The following NTRK3 variants were observed in gnomAD, a reference collection of about 807,000 sequenced individuals.
NTRK3 encodes the protein neurotrophic receptor tyrosine kinase 3.
Under a neutral mutation model 91.7 loss-of-function variants are expected in NTRK3, and 24 were observed. That is an observed-to-expected ratio of 0.26 (90% CI 0.19 to 0.37). NTRK3 has a LOEUF of 0.37. NTRK3 is among the 10% of genes least tolerant of loss of function. NTRK3 has a pLI of 1.00. For synonymous variants in NTRK3, 483 were observed against 404.0 expected, an observed-to-expected ratio of 1.20 and a Z score of -2.34; for missense variants, 880 against 1,068.9, an observed-to-expected ratio of 0.82 and a Z score of 2.46.
exon 19 of NTRK3, chr15:87,862,123 C>A (rs751371925): frequency 7.3e-5 from 16 of 218,092 alleles, no homozygotes; most frequent in Non-Finnish European, 1.4e-4. Flanking sequence ...TGCTGCTCAC[C>A]TCCAGTCTTC....
chr15:87,981,346 T>G, intron 14 of NTRK3: 1 of 1,613,144 alleles, frequency 6.2e-7, no homozygotes, highest in East Asian at 2.2e-5. Flanking sequence ...TGATTGTCTA[T>G]GTTTGAAAAG....
At chr15:87,902,908 C>A (rs1362507024) in intron 17 of NTRK3, among the ~76,000 whole-genome samples, 1 of 152,178 alleles carries the variant, frequency 6.6e-6, no homozygotes, top group Non-Finnish European at 1.5e-5. Context: ...CCCGACTCCC[C>A]CTTGCTCCTT....
chr15:88,163,988 A>T lies in NTRK3; in HGVS notation c.396-16585T>A, dbSNP rs181609604. Among the ~76,000 whole-genome samples, 14 of 152,344 alleles carry T rather than the reference A, an allele frequency of 9.2e-5. No homozygotes were observed. The East Asian group carries it at 2.5e-3, about 27-fold the overall frequency. On this transcript the variant is annotated intron_variant, in intron 5 of 18. Coordinates refer to ENST00000394480, the Ensembl canonical transcript of NTRK3. ...GCTTTAGCATCATTTTGTTTTCTCT[A>T]TCTTAAAAGTCATCTCTGCTCATGC...
intron 13 of NTRK3, among the ~76,000 whole-genome samples, chr15:88,117,426 G>A (rs771397956): frequency 1.1e-4 from 17 of 152,070 alleles, no homozygotes; most frequent in Non-Finnish European, 1.9e-4. Context: ...CTTGTCTTTC[G>A]CCCAAATCCC....
intron 17 of NTRK3, chr15:87,926,621 A>T (rs2068332180): frequency 6.6e-6 from 1 of 152,270 alleles, no homozygotes; most frequent in Admixed American, 6.5e-5. Context: ...AAAGAGCAAC[A>T]GTTCACAGTT....
At chr15:87,886,697 T>TATATATATATATATAC (rs1335887821) in intron 17 of NTRK3, among the ~76,000 whole-genome samples, 1,497 of 135,686 alleles carry the variant, frequency 0.011, 21 homozygotes, top group South Asian at 0.025. Flanking sequence ...TATATATATA[T>TATATATATATATATAC]ATACATATAT....
At chr15:88,102,684 G>A (rs2050298780) in intron 13 of NTRK3, among the ~76,000 whole-genome samples, 1 of 152,050 alleles carries the variant, frequency 6.6e-6, no homozygotes, top group South Asian at 2.1e-4. Context: ...AGGAAGAATT[G>A]GCTTGAAGAT....
intron 13 of NTRK3, among the ~76,000 whole-genome samples, chr15:88,045,849 T>C (rs1384661299): frequency 6.6e-6 from 1 of 152,228 alleles, no homozygotes; most frequent in Non-Finnish European, 1.5e-5. Flanking sequence ...CATTTCTGTG[T>C]CTCTTCTCCT....
chr15:88,027,346 C>G (rs2078121996), intron 14 of NTRK3, among the ~76,000 whole-genome samples: 2 of 152,140 alleles, frequency 1.3e-5, no homozygotes, highest in Non-Finnish European at 1.5e-5. Flanking sequence ...GCTGTTGATA[C>G]AAATCAATAG....
intron 14 of NTRK3, among the ~76,000 whole-genome samples, chr15:87,952,933 C>T (rs1426883882): frequency 6.6e-6 from 1 of 152,040 alleles, no homozygotes; most frequent in East Asian, 1.9e-4. Context: ...CCAGGGCCTG[C>T]GAGTCCCAGC....
chr15:88,232,058 C>T (rs780777516), intron 3 of NTRK3, among the ~76,000 whole-genome samples: 2 of 152,316 alleles, frequency 1.3e-5, no homozygotes, highest in South Asian at 2.1e-4. Flanking sequence ...CACAGCTCAT[C>T]TGTGGCCGCT....
At chr15:87,919,666 A>G (rs769987627) in intron 17 of NTRK3, among the ~76,000 whole-genome samples, 3 of 152,234 alleles carry the variant, frequency 2.0e-5, no homozygotes, top group Non-Finnish European at 4.4e-5. Context: ...AATTCTGTTC[A>G]GGTAATTCTT....
chr15:87,981,415 C>CA (rs1429821074), intron 14 of NTRK3: 6 of 1,611,476 alleles, frequency 3.7e-6, no homozygotes, highest in South Asian at 1.1e-5. Flanking sequence ...ACCCCAAGTG[C>CA]AAAAAACATG....
chr15:88,120,532 C>G (rs423349), intron 13 of NTRK3, among the ~76,000 whole-genome samples: 1 of 152,178 alleles, frequency 6.6e-6, no homozygotes, highest in Non-Finnish European at 1.5e-5. Context: ...GCCCTTCCTT[C>G]CCGGCCTTCC....
chr15:88,053,348 A>G (rs948040554), intron 13 of NTRK3, among the ~76,000 whole-genome samples: 4 of 152,176 alleles, frequency 2.6e-5, no homozygotes, highest in Non-Finnish European at 4.4e-5. Context: ...AAGGCCGGAG[A>G]CCTCATACCT....
Position 88,240,682 on chromosome 15 carries a change from T to A in NTRK3, c.248+15224A>T, listed in dbSNP as rs1036464069. ...CTACTTAGCCACCCTGTGCCTCAGT[T>A]TTCTCCCCTGTAAAATGAGGATGAT... On this transcript the variant is annotated intron_variant, in intron 3 of 18. Coordinates refer to ENST00000394480, the Ensembl canonical transcript of NTRK3. The surrounding 1 kb of genome is among the most constrained non-coding windows in gnomAD (Gnocchi z 4.9). Among the ~76,000 whole-genome samples the A allele has an allele frequency of 6.6e-6, 1 of 152,294 alleles. No individual in the cohort carries two copies. The highest frequency in any genetic ancestry group is 1.9e-4 in the East Asian group (1 of 5,178).
intron 17 of NTRK3, among the ~76,000 whole-genome samples, chr15:87,883,144 T>C (rs971336322): frequency 6.6e-6 from 1 of 151,240 alleles, no homozygotes; most frequent in Non-Finnish European, 1.5e-5. Context: ...TACAGATATA[T>C]ATAGCCAATT....
At chr15:88,050,457 G>T (rs1454797837) in intron 13 of NTRK3, among the ~76,000 whole-genome samples, 1 of 151,758 alleles carries the variant, frequency 6.6e-6, no homozygotes, top group Non-Finnish European at 1.5e-5. Flanking sequence ...TTAAAGTTTA[G>T]CTAGGTAGAT....
rs559924507 is a variant in NTRK3 at position 88,250,736 on chromosome 15, C to G, written c.248+5170G>C. On this transcript the variant is annotated intron_variant, in intron 3 of 18. Transcript: ENST00000394480. The stretch of plus-strand genomic sequence containing the variant: ...TGTCTCCTTCTCAAGTGCCAACCCT[C>G]CCAATCACAAGAGCAGTGGGTACCA... Among the ~76,000 whole-genome samples, 17 of 152,336 alleles carry G rather than the reference C, an allele frequency of 1.1e-4. No individual in the cohort carries two copies. The South Asian group carries it at 3.5e-3, about 32-fold the overall frequency.
Sources: allele counts gnomAD v4.1 joint callset (sites outside exome capture counted in the v4.1 genomes callset), GRCh38; gene constraint gnomAD v4.1.1; non-coding constraint Gnocchi (gnomAD v3.1); transcripts MANE v1.5; gene names NCBI Gene and HGNC (gene_info 2026-07-23, HGNC 2026-07-21).